Variants in PLCB3 observed in about 807,000 individuals in gnomAD.
The protein encoded by PLCB3 is phospholipase C beta 3.
A neutral mutation model predicts 152.1 loss-of-function variants in PLCB3; 54 were observed. The observed-to-expected ratio is 0.36, with a 90% CI of 0.29 to 0.45. The LOEUF (loss-of-function observed/expected upper bound fraction) is 0.45. PLCB3 is among the 20% of genes least tolerant of loss of function. The pLI, the probability that PLCB3 is intolerant of heterozygous loss-of-function variation, is 1.00. For synonymous variants in PLCB3, 717 were observed against 698.7 expected (o/e 1.03, Z -0.41); for missense variants, 1,248 against 1,687.5 (o/e 0.74, Z 4.56).
Position 64,259,259 on chromosome 11 carries a change from G to T in PLCB3, c.1525+15G>T. On this transcript the variant is annotated intron_variant, in intron 13 of 30. Transcript: ENST00000279230. Reference sequence around the variant, plus strand: ...CCCGCAGCTGGGTAGGCCCCAGCCCGGCCCGCCACCCTGACTTGACCCTAG... The same window carrying T: ...CCCGCAGCTGGGTAGGCCCCAGCCCTGCCCGCCACCCTGACTTGACCCTAG... 6.7e-7 allele frequency: 1 copy of T among 1,493,394 alleles called. No individual in the cohort carries two copies. 92.5% of individuals were successfully genotyped at this position (1,493,394 alleles called of 1,614,324 possible). A position where few individuals can be genotyped will look rare whatever the true frequency, so the allele number is the denominator to read the frequency against.
rs1316846111 is a variant in PLCB3, at chr11:64,265,749, C to T, written c.3036-137C>T. The T allele has an allele frequency of 5.4e-6, 7 of 1,287,158 alleles. No individual in the cohort carries two copies. The African/African-American group carries it at 7.5e-5, about 14-fold the overall frequency. 79.7% of individuals were successfully genotyped at this position (1,287,158 alleles called of 1,614,324 possible). A position where few individuals can be genotyped will look rare whatever the true frequency, so the allele number is the denominator to read the frequency against. ...CATCACTTGGGTGGAGCTAACAGGCCTCCTGGTTTGCATAACAGACCTGGC... is the reference window on the plus strand; with the variant it reads ...CATCACTTGGGTGGAGCTAACAGGCTTCCTGGTTTGCATAACAGACCTGGC... On this transcript the variant is annotated intron_variant, in intron 25 of 30. Coordinates refer to ENST00000279230, the MANE Select transcript of PLCB3 (RefSeq NM_000932.5).
At chr11:64,257,851 G>A (rs543690832) in intron 10 of PLCB3, among the ~76,000 whole-genome samples, 21 of 152,078 alleles carry the variant, frequency 1.4e-4, no homozygotes, top group African/African-American at 5.1e-4. Flanking sequence ...GATGCCAGGT[G>A]CTCTATAGAG....
intron 1 of PLCB3, among the ~76,000 whole-genome samples, chr11:64,253,697 CCTT>C (rs763696617): frequency 2.0e-5 from 3 of 152,152 alleles, no homozygotes; most frequent in Admixed American, 2.0e-4. Flanking sequence ...GGGACCGGGC[CCTT>C]CTTAGAAAAT....
rs1294101055 is a variant in PLCB3 at position 64,267,563 on chromosome 11, T to C, written c.*7T>C. Reference sequence around the variant, plus strand: ...GGAGAACACGCAGCTCTGAACTGGCTGAGCGAGGTGGCCACAGGGCCAGGG... The same window carrying C: ...GGAGAACACGCAGCTCTGAACTGGCCGAGCGAGGTGGCCACAGGGCCAGGG... On this transcript the variant is annotated 3_prime_UTR_variant, in exon 31 of 31. Coordinates refer to ENST00000279230, the MANE Select transcript of PLCB3 (RefSeq NM_000932.5). The surrounding 1 kb of genome is among the most constrained non-coding windows in gnomAD (Gnocchi z 5.2). 3.9e-6 allele frequency: 6 copies of C among 1,556,262 alleles called. No individual in the cohort carries two copies. Among genetic ancestry groups the C allele is most frequent in the Middle Eastern group, 1.8e-4 (1 of 5,622 alleles).
At chr11:64,260,286 AG>A in intron 14 of PLCB3, 52 bp downstream of exon 14, 1 of 1,351,670 alleles carries the variant, frequency 7.4e-7, no homozygotes, top group Admixed American at 2.2e-5. Flanking sequence ...TTTACCTCCC[AG>A]GGGGCTGGGT....
intron 13 of PLCB3, 97 bp downstream of exon 13, chr11:64,259,341 C>G (rs2031723041): frequency 9.6e-7 from 1 of 1,044,414 alleles, no homozygotes; most frequent in Non-Finnish European, 1.3e-6. Context: ...CCAGCCCACC[C>G]TCCTGCCTCG....
rs1297457687 is a variant in PLCB3 at position 64,255,856 on chromosome 11, C to T, written c.698+35C>T. 1 of 1,453,360 alleles carries T rather than the reference C, an allele frequency of 6.9e-7. No individual in the cohort carries two copies. Among genetic ancestry groups the T allele is most frequent in the African/African-American group, 1.4e-5 (1 of 72,128 alleles). The allele number at this position is 1,453,360 out of a possible 1,614,324, so 90.0% of individuals were successfully genotyped here. A position where few individuals can be genotyped will look rare whatever the true frequency, so the allele number is the denominator to read the frequency against. The stretch of plus-strand genomic sequence containing the variant: ...CCCGGCCTGCCTCACAACCCCTGTG[C>T]TCTGTGTTTAGCTTCTGCTTAGCGT... On this transcript the variant is annotated intron_variant, in intron 8 of 30. Transcript: ENST00000279230. The surrounding 1 kb of genome is among the most constrained non-coding windows in gnomAD (Gnocchi z 6.8).
At position 64,258,927 on chromosome 11, in the gene PLCB3, CT is replaced by C; in HGVS notation, c.1299del (p.Phe433LeufsTer27). ...AGATGGCTGAGTACTGCCGCTCCAT[CT>C]TTGGAGACGCGCTACTCATCGAGCC... ...AKMAEYCRSI[F>X]GDALLIEPLD... On this transcript the variant is annotated frameshift_variant, in exon 12 of 31. Transcript: ENST00000279230. LOFTEE classifies it high-confidence loss of function. The surrounding 1 kb of genome is among the most constrained non-coding windows in gnomAD (Gnocchi z 7.2). 6.2e-7 allele frequency: 1 copy of C among 1,613,992 alleles called. No individual in the cohort carries two copies. The highest frequency in any genetic ancestry group is 8.5e-7 in the Non-Finnish European group (1 of 1,180,000).
intron 1 of PLCB3, among the ~76,000 whole-genome samples, chr11:64,254,204 G>A (rs1234554188): frequency 6.6e-6 from 1 of 152,106 alleles, no homozygotes; most frequent in Non-Finnish European, 1.5e-5. Context: ...CTGGGAAGAG[G>A]CTTTGAGGTA....
intron 10 of PLCB3, among the ~76,000 whole-genome samples, chr11:64,257,247 G>A (rs1173010593): frequency 7.9e-5 from 12 of 152,158 alleles, no homozygotes; most frequent in Admixed American, 2.6e-4. Flanking sequence ...CAGGTGATCC[G>A]CCTGCCTCGC....
At chr11:64,269,404 C>T (rs2032323250), downstream of PLCB3, among the ~76,000 whole-genome samples, 1 of 152,244 alleles carries the variant, frequency 6.6e-6, no homozygotes, top group Non-Finnish European at 1.5e-5. Context: ...ACGGAGCCCC[C>T]GCTCTGTCCG....
chr11:64,263,412 A>T, intron 19 of PLCB3, 86 bp from the exon 20 acceptor site: 2 of 801,944 alleles, frequency 2.5e-6, no homozygotes, highest in Non-Finnish European at 4.0e-6. Flanking sequence ...TGCTTTGTTA[A>T]GCTTTGATGG....
chr11:64,265,161 T>C, intron 23 of PLCB3, 31 bp from the exon 24 acceptor site: 1 of 1,576,362 alleles, frequency 6.3e-7, no homozygotes, highest in Non-Finnish European at 8.6e-7. Flanking sequence ...CACCCTGTCC[T>C]CCAGCTCCTC....
At chr11:64,262,963 C>T (rs1173291267) in intron 19 of PLCB3, among the ~76,000 whole-genome samples, 155 bp downstream of exon 19, 1 of 152,142 alleles carries the variant, frequency 6.6e-6, no homozygotes, top group African/African-American at 2.4e-5. Flanking sequence ...CCTGTCCGAG[C>T]GTCAGTCTCC....
intron 1 of PLCB3, among the ~76,000 whole-genome samples, chr11:64,253,915 C>T (rs78311260): frequency 3.3e-5 from 5 of 152,128 alleles, no homozygotes; most frequent in Admixed American, 2.0e-4. Context: ...ACAGGGCTAT[C>T]GTGATGTCCC....
In PLCB3 at chr11:64,255,057, G is replaced by A; in HGVS notation, c.387+19G>A. 6.4e-7 allele frequency: 1 copy of A among 1,571,854 alleles called. No individual in the cohort carries two copies. Among genetic ancestry groups the A allele is most frequent in the Non-Finnish European group, 8.7e-7 (1 of 1,155,878 alleles). On this transcript the variant is annotated intron_variant, in intron 4 of 30. Transcript: ENST00000279230. This position sits in a 1 kb window ranked among gnomAD's most constrained non-coding sequence, Gnocchi z 6.8. ...AGCCAAGGTGGGCTGGCACCAAGGGGACGAAGGGGGAGTCACTGTCTTATT... is the reference window on the plus strand; with the variant it reads ...AGCCAAGGTGGGCTGGCACCAAGGGAACGAAGGGGGAGTCACTGTCTTATT...
In PLCB3 at chr11:64,255,251, A is replaced by G; in HGVS notation, c.405A>G (p.Leu135=). The part of the protein sequence containing the change: ...DDTAKVWSEE[L]FKLAMNILAQ... ...CCCCCCAGGTCTGGTCTGAGGAGCTATTCAAGCTGGCTATGAACATCCTGG... is the reference window on the plus strand; with the variant it reads ...CCCCCCAGGTCTGGTCTGAGGAGCTGTTCAAGCTGGCTATGAACATCCTGG... Residue 135 remains leucine (L), a synonymous_variant, in exon 5 of 31, where the codon CTA becomes CTG. Coordinates refer to ENST00000279230, the MANE Select transcript of PLCB3 (RefSeq NM_000932.5). The surrounding 1 kb of genome is among the most constrained non-coding windows in gnomAD (Gnocchi z 6.8). 6.2e-7 allele frequency: 1 copy of G among 1,613,552 alleles called. No individual in the cohort carries two copies. Among genetic ancestry groups the G allele is most frequent in the Non-Finnish European group, 8.5e-7 (1 of 1,179,836 alleles).
chr11:64,258,153 C>CAAA lies in PLCB3; in HGVS notation c.1013-306_1013-304dup, dbSNP rs34969821. 1.0e-5 allele frequency among the ~76,000 whole-genome samples: 1 copy of CAAA among 99,042 alleles called. No individual in the cohort carries two copies. Among genetic ancestry groups the CAAA allele is most frequent in the Non-Finnish European group, 2.1e-5 (1 of 48,578 alleles). The allele number at this position is 99,042 out of a possible 152,430, so 65.0% of individuals were successfully genotyped here. On this transcript the variant is annotated intron_variant, in intron 10 of 30. Transcript: ENST00000279230. This position sits in a 1 kb window ranked among gnomAD's most constrained non-coding sequence, Gnocchi z 7.2. Reference sequence around the variant, plus strand: ...TGGGTGACAGAGCGAGGTTCCGTCTCAAAAAAAAAAAAAAAAGAGATTGGA... The same window carrying CAAA: ...TGGGTGACAGAGCGAGGTTCCGTCTCAAAAAAAAAAAAAAAAAAAGAGATTGGA...
chr11:64,265,781 G>T, intron 25 of PLCB3, 105 bp from the exon 26 acceptor site: 1 of 1,425,270 alleles, frequency 7.0e-7, no homozygotes, highest in Non-Finnish European at 9.5e-7. Flanking sequence ...TGGCCCCATG[G>T]GATGGTGTCT....
Sources: allele counts gnomAD v4.1 joint callset (sites outside exome capture counted in the v4.1 genomes callset), GRCh38; gene constraint gnomAD v4.1.1; non-coding constraint Gnocchi (gnomAD v3.1); transcripts MANE v1.5; gene names NCBI Gene and HGNC (gene_info 2026-07-23, HGNC 2026-07-21).